EXOC4: variants seen among roughly 807,000 people sequenced by gnomAD.
The protein encoded by EXOC4 is SEC8-like 1.
EXOC4 carries 71 observed loss-of-function variants against 107.2 expected under a neutral mutation model. The ratio of observed to expected loss-of-function variants is 0.66; its 90% CI spans 0.55 to 0.81. EXOC4 has a LOEUF of 0.81. Ranked by LOEUF, EXOC4 falls within the 30% of genes least tolerant of loss-of-function variation. EXOC4 has a pLI of 0.00. For missense variants in EXOC4, 1,108 were observed against 1,189.6 expected (o/e 0.93, Z 1.01); for synonymous variants, 456 against 441.2 (o/e 1.03, Z -0.42).
At chr7:133,337,197 G>T (rs1167320786) in intron 5 of EXOC4, among the ~76,000 whole-genome samples, 4 of 152,072 alleles carry the variant, frequency 2.6e-5, no homozygotes, top group African/African-American at 9.7e-5. Context: ...TTGCATTGAT[G>T]TTTACAAGTG....
chr7:133,486,484 T>C lies in EXOC4; in HGVS notation c.1417+6346T>C, dbSNP rs867236786. Among the ~76,000 whole-genome samples the C allele has an allele frequency of 2.0e-4, 30 of 152,208 alleles. 1 individual carries two copies. Among genetic ancestry groups the C allele is most frequent in the African/African-American group, 7.2e-4 (30 of 41,454 alleles). ...ATAGCAATATTATGCTTATGACATA[T>C]ATTTGTTCTGCAGCCTTAAATATAA... On this transcript the variant is annotated intron_variant, in intron 9 of 17. Transcript: ENST00000253861.
At chr7:133,740,749 A>G (rs563383204) in intron 10 of EXOC4, among the ~76,000 whole-genome samples, 2 of 152,334 alleles carry the variant, frequency 1.3e-5, no homozygotes, top group South Asian at 4.1e-4. Flanking sequence ...ATCTACTTGT[A>G]TACAGAGAGT....
chr7:134,045,788 C>T (rs1289110787), intron 17 of EXOC4, among the ~76,000 whole-genome samples: 2 of 152,064 alleles, frequency 1.3e-5, no homozygotes, highest in South Asian at 2.1e-4. Context: ...TTCCCCCAAA[C>T]GCTACCCCTG....
In EXOC4 at chr7:133,391,320, G is replaced by A. The variant is rs115794302; in HGVS notation, c.1182+16318G>A. Among the ~76,000 whole-genome samples the A allele has an allele frequency of 4.1e-3, 628 of 152,360 alleles. 4 individuals carry two copies. The highest frequency in any genetic ancestry group is 0.015 in the African/African-American group (607 of 41,584). ...GCACGAATTAGCCAGTCTCATTGGG[G>A]TGATAAACGACAGCACATTAAATAT... On this transcript the variant is annotated intron_variant, in intron 7 of 17. Transcript: ENST00000253861.
At chr7:133,764,337 C>T (rs978133359) in intron 10 of EXOC4, among the ~76,000 whole-genome samples, 7 of 152,022 alleles carry the variant, frequency 4.6e-5, no homozygotes, top group African/African-American at 1.7e-4. Flanking sequence ...AAAACCTATG[C>T]TCTAAGAGTT....
chr7:133,629,406 C>T (rs891241054), intron 9 of EXOC4, among the ~76,000 whole-genome samples: 1 of 152,156 alleles, frequency 6.6e-6, no homozygotes, highest in African/African-American at 2.4e-5. Flanking sequence ...GGACACTGGT[C>T]ATTAGAGACC....
At chr7:133,551,546 G>T (rs1157346484) in intron 9 of EXOC4, 2 of 152,080 alleles carry the variant, frequency 1.3e-5, no homozygotes, top group African/African-American at 4.8e-5. Context: ...TAACATGTTA[G>T]CTCAAAGATT....
intron 11 of EXOC4, among the ~76,000 whole-genome samples, chr7:133,831,163 C>T (rs1332933990): frequency 6.6e-6 from 1 of 152,128 alleles, no homozygotes; most frequent in East Asian, 1.9e-4. Context: ...CGGGGTTTCA[C>T]CATGTTGGTC....
At chr7:133,469,032 A>C (rs1404358189) in intron 7 of EXOC4, among the ~76,000 whole-genome samples, 13 of 152,148 alleles carry the variant, frequency 8.5e-5, no homozygotes, top group Admixed American at 8.5e-4. Context: ...ACTATTTCTC[A>C]TGTCATGAGA....
At chr7:133,804,313 G>A (rs544230717) in intron 10 of EXOC4, among the ~76,000 whole-genome samples, 202 of 152,256 alleles carry the variant, frequency 1.3e-3, no homozygotes, top group African/African-American at 4.4e-3. Context: ...TAAGGGACAA[G>A]ACTAATATCA....
At chr7:133,436,724 G>A (rs193117358) in intron 7 of EXOC4, among the ~76,000 whole-genome samples, 24 of 152,102 alleles carry the variant, frequency 1.6e-4, no homozygotes, top group Non-Finnish European at 2.9e-4. Context: ...GGTTATTAAT[G>A]TGCACTATAT....
intron 9 of EXOC4, among the ~76,000 whole-genome samples, chr7:133,548,267 C>T (rs571682925): frequency 4.6e-5 from 7 of 152,078 alleles, no homozygotes; most frequent in Non-Finnish European, 8.8e-5. Context: ...CAATTTAGTC[C>T]ATCTTTCGGC....
At chr7:134,080,292 T>C in the EXOC4 span, among the ~76,000 whole-genome samples, 1 of 152,206 alleles carries the variant, frequency 6.6e-6, no homozygotes, top group Non-Finnish European at 1.5e-5. Flanking sequence ...TTAAGAAGGT[T>C]TTTAAAAGTT....
chr7:133,452,870 G>A (rs779256676), intron 7 of EXOC4, among the ~76,000 whole-genome samples: 1 of 152,088 alleles, frequency 6.6e-6, no homozygotes, highest in Non-Finnish European at 1.5e-5. Flanking sequence ...GAGGTTAGTT[G>A]TGGAATTCGA....
At chr7:133,710,382 C>T (rs960623858) in intron 10 of EXOC4, among the ~76,000 whole-genome samples, 6 of 152,086 alleles carry the variant, frequency 3.9e-5, no homozygotes, top group African/African-American at 7.2e-5. Flanking sequence ...TAGTTGCGGC[C>T]GGGCGCGGTG....
At chr7:133,629,918 A>G (rs1802548891) in intron 9 of EXOC4, 127 bp from the exon 10 acceptor site, 2 of 642,140 alleles carry the variant, frequency 3.1e-6, no homozygotes, top group Non-Finnish European at 5.6e-6. Context: ...TTTCGTACAT[A>G]CCGAAGGTTA....
chr7:133,591,847 G>T (rs1801555293), intron 9 of EXOC4, among the ~76,000 whole-genome samples: 8 of 152,160 alleles, frequency 5.3e-5, no homozygotes. Flanking sequence ...TCTCTGTGCT[G>T]TGGCAACAAG....
intron 13 of EXOC4, among the ~76,000 whole-genome samples, chr7:133,931,379 A>G (rs1800171827): frequency 6.6e-6 from 1 of 152,214 alleles, no homozygotes; most frequent in East Asian, 1.9e-4. Flanking sequence ...AAGAGAAAGG[A>G]TAGTGTAGGA....
At chr7:133,633,535 A>G (rs960024748) in intron 10 of EXOC4, among the ~76,000 whole-genome samples, 2 of 152,150 alleles carry the variant, frequency 1.3e-5, no homozygotes, top group Admixed American at 6.5e-5. Context: ...CCTGGCCGAC[A>G]TGGTGAAACC....
Sources: allele counts gnomAD v4.1 joint callset (sites outside exome capture counted in the v4.1 genomes callset), GRCh38; gene constraint gnomAD v4.1.1; transcripts MANE v1.5; gene names NCBI Gene and HGNC (gene_info 2026-07-23, HGNC 2026-07-21).